FOXP1: variants seen among roughly 807,000 people sequenced by gnomAD.
The protein encoded by FOXP1 is forkhead box P1.
FOXP1 carries 15 observed loss-of-function variants against 98.2 expected under a neutral mutation model. The ratio of observed to expected loss-of-function variants is 0.15; its 90% confidence interval spans 0.10 to 0.24. The LOEUF is 0.24. Among genes scored for constraint, FOXP1 ranks in the 10% least tolerant of loss-of-function variants. FOXP1 has a pLI of 1.00. For synonymous variants in FOXP1, 371 were observed against 314.5 expected (o/e 1.18, Z -1.90); for missense variants, 633 against 848.5 (o/e 0.75, Z 3.15).
chr3:70,966,151 T>A (rs1169862108), intron 19 of FOXP1, 95 bp from the exon 20 acceptor site: 4 of 1,138,170 alleles, frequency 3.5e-6, no homozygotes, highest in Non-Finnish European at 5.3e-6. Flanking sequence ...TCAGTTTGAG[T>A]TAATTGTAGC....
chr3:71,403,783 G>A (rs771807054), intron 3 of FOXP1, among the ~76,000 whole-genome samples: 3 of 152,066 alleles, frequency 2.0e-5, no homozygotes, highest in Non-Finnish European at 2.9e-5. Context: ...CCCAAGAGGT[G>A]GAGGTTGTAG....
intron 4 of FOXP1, among the ~76,000 whole-genome samples, chr3:71,351,476 A>G (rs1192203179): frequency 6.6e-6 from 1 of 152,202 alleles, no homozygotes; most frequent in African/African-American, 2.4e-5. Flanking sequence ...ACTGGCATTT[A>G]TACATTTCTT....
intron 3 of FOXP1, among the ~76,000 whole-genome samples, chr3:71,398,802 T>C (rs924552189): frequency 6.6e-6 from 1 of 152,210 alleles, no homozygotes; most frequent in Non-Finnish European, 1.5e-5. Context: ...TGTAATTATG[T>C]CATTAGTAGC....
At chr3:71,497,114 AAGAT>A (rs977974066) in intron 2 of FOXP1, among the ~76,000 whole-genome samples, 3 of 152,246 alleles carry the variant, frequency 2.0e-5, no homozygotes, top group African/African-American at 7.2e-5. Context: ...AAAATACCAG[AAGAT>A]AGATACCCAA....
At chr3:71,320,092 C>T (rs1308649215) in intron 4 of FOXP1, among the ~76,000 whole-genome samples, 1 of 152,148 alleles carries the variant, frequency 6.6e-6, no homozygotes, top group Non-Finnish European at 1.5e-5. Context: ...AAGACAAACT[C>T]ATCTTGCAAA....
chr3:71,180,075 C>G (rs1392842526), intron 6 of FOXP1, among the ~76,000 whole-genome samples: 1 of 152,132 alleles, frequency 6.6e-6, no homozygotes, highest in Non-Finnish European at 1.5e-5. Flanking sequence ...ATGCCATAGT[C>G]TCTCTGCCAA....
intron 5 of FOXP1, among the ~76,000 whole-genome samples, chr3:71,214,310 A>C (rs746148618): frequency 3.3e-5 from 5 of 152,222 alleles, no homozygotes; most frequent in African/African-American, 9.6e-5. Context: ...TACCTTAATC[A>C]TGCTGTCACG....
chr3:71,253,685 A>G (rs140008723), intron 5 of FOXP1, among the ~76,000 whole-genome samples: 41 of 152,328 alleles, frequency 2.7e-4, no homozygotes, highest in African/African-American at 9.6e-4. Context: ...AAAAAATATT[A>G]ATAAGCTCAT....
intron 2 of FOXP1, among the ~76,000 whole-genome samples, chr3:71,515,882 A>T (rs1263581236): frequency 6.6e-6 from 1 of 152,260 alleles, no homozygotes; most frequent in Non-Finnish European, 1.5e-5. Context: ...AACAAGGGTC[A>T]GAATACGCTC....
chr3:71,221,068 A>G (rs1397836268), intron 5 of FOXP1, among the ~76,000 whole-genome samples: 2 of 152,102 alleles, frequency 1.3e-5, no homozygotes, highest in African/African-American at 4.8e-5. Flanking sequence ...CAGCTCCCCA[A>G]GGGTCTGGGG....
At chr3:71,350,205 T>C (rs1484372431) in intron 4 of FOXP1, among the ~76,000 whole-genome samples, 2 of 152,198 alleles carry the variant, frequency 1.3e-5, no homozygotes, top group African/African-American at 2.4e-5. Flanking sequence ...TAAGCTACTT[T>C]ATAAGCCAAT....
chr3:71,097,972 A>C (rs749495535), intron 7 of FOXP1, among the ~76,000 whole-genome samples: 2 of 152,200 alleles, frequency 1.3e-5, no homozygotes, highest in Non-Finnish European at 2.9e-5. Flanking sequence ...TAAATCCAGG[A>C]TGTAGATTTT....
intron 7 of FOXP1, among the ~76,000 whole-genome samples, chr3:71,112,123 G>C (rs9841490): frequency 7.4e-6 from 1 of 134,912 alleles, no homozygotes; most frequent in East Asian, 2.7e-4. Flanking sequence ...TGGGTGGGGG[G>C]GTGGGGGGGT....
At position 71,030,856 on chromosome 3, in the gene FOXP1, C is replaced by T. The variant is rs978959406; in HGVS notation, c.869+10472G>A. ...TTTTCTCTCACACTGATCTTTAACACGAGACATCTTGTTCTTGTCATAAAT... is the reference window on the plus strand; with the variant it reads ...TTTTCTCTCACACTGATCTTTAACATGAGACATCTTGTTCTTGTCATAAAT... On this transcript the variant is annotated intron_variant, in intron 11 of 20. Coordinates refer to ENST00000649528, the MANE Select transcript of FOXP1 (RefSeq NM_001349338.3). Among the ~76,000 whole-genome samples the T allele has an allele frequency of 4.6e-5, 7 of 152,124 alleles. No homozygotes were observed. In the East Asian group the frequency reaches 5.8e-4, roughly 13 times the overall value.
At chr3:71,126,311 C>T (rs1378485213) in intron 6 of FOXP1, among the ~76,000 whole-genome samples, 3 of 146,220 alleles carry the variant, frequency 2.1e-5, no homozygotes, top group Non-Finnish European at 3.0e-5. Context: ...AGCGAAACCC[C>T]GTCTCTATTA....
intron 2 of FOXP1, among the ~76,000 whole-genome samples, chr3:71,558,489 G>T (rs943251046): frequency 3.8e-4 from 57 of 151,072 alleles, no homozygotes; most frequent in Admixed American, 3.7e-3. Context: ...TTTGTTTTTT[G>T]TTTTTTTGGA....
intron 3 of FOXP1, among the ~76,000 whole-genome samples, chr3:71,480,099 C>A (rs527888739): frequency 3.5e-4 from 53 of 152,174 alleles, no homozygotes; most frequent in African/African-American, 1.3e-3. Flanking sequence ...AGGAGGCTAA[C>A]GCAGAAGAAT....
At chr3:71,474,357 G>A (rs2089628747) in intron 3 of FOXP1, among the ~76,000 whole-genome samples, 1 of 152,176 alleles carries the variant, frequency 6.6e-6, no homozygotes, top group South Asian at 2.1e-4. Context: ...GATAAATTAT[G>A]ACTGTCACCT....
chr3:71,259,593 C>T (rs995629477), intron 5 of FOXP1, among the ~76,000 whole-genome samples: 1 of 152,086 alleles, frequency 6.6e-6, no homozygotes, highest in African/African-American at 2.4e-5. Flanking sequence ...AGGGAGACGA[C>T]CCCAATCGAC....
Sources: gnomAD v4.1 joint callset for allele counts (sites outside exome capture counted in the v4.1 genomes callset) on GRCh38, gnomAD v4.1.1 for gene constraint, MANE v1.5 for transcripts, NCBI Gene and HGNC (gene_info 2026-07-23, HGNC 2026-07-21) for gene names.